The following DNAH7 variants were observed in gnomAD, a reference collection of about 807,000 sequenced individuals.
The protein encoded by DNAH7 is axonemal beta dynein heavy chain 7.
Under a neutral mutation model 444.6 loss-of-function variants are expected in DNAH7, and 397 were observed. That is an observed-to-expected ratio of 0.89 (90% CI 0.82 to 0.97). The LOEUF is 0.97. Among genes scored for constraint, DNAH7 ranks in the 50% least tolerant of loss-of-function variants. The pLI, the probability that DNAH7 is intolerant of heterozygous loss-of-function variation, is 0.00. For synonymous variants in DNAH7, 1,636 were observed against 1,624.4 expected, an observed-to-expected ratio of 1.01 and a Z score of -0.17; for missense variants, 4,902 against 4,800.8, an observed-to-expected ratio of 1.02 and a Z score of -0.62.
At chr2:195,873,007 T>C (rs1477177133) in intron 39 of DNAH7, among the ~76,000 whole-genome samples, 1 of 152,172 alleles carries the variant, frequency 6.6e-6, no homozygotes, top group Non-Finnish European at 1.5e-5. Context: ...AGAAATAATT[T>C]TCATTTAGAA....
rs1224261215 is a variant in DNAH7, at chr2:196,048,413, C to A, written c.142-9G>T. On this transcript the variant is annotated splice_polypyrimidine_tract_variant and intron_variant, in intron 3 of 64. Transcript: ENST00000312428. ...TGGGGCTTTGTACTCACCTAAAATA[C>A]AAAATTTAAATAGCATTAACAAACA... 3 of 1,608,924 alleles carry A rather than the reference C, an allele frequency of 1.9e-6. No individual in the cohort carries two copies. The Admixed American group carries it at 5.1e-5, about 27-fold the overall frequency.
At chr2:195,908,429 C>A (rs976226900) in intron 25 of DNAH7, among the ~76,000 whole-genome samples, 3 of 152,042 alleles carry the variant, frequency 2.0e-5, no homozygotes, top group Non-Finnish European at 4.4e-5. Flanking sequence ...TCTCATCACA[C>A]CCCTCTCCCA....
chr2:195,774,195 G>A (rs1012012532), intron 60 of DNAH7, among the ~76,000 whole-genome samples: 1 of 152,204 alleles, frequency 6.6e-6, no homozygotes, highest in African/African-American at 2.4e-5. Flanking sequence ...ACCCCGTCAA[G>A]TTTAAGTAAA....
intron 51 of DNAH7, among the ~76,000 whole-genome samples, chr2:195,810,701 G>GTATCTT (rs1166552344): frequency 8.0e-5 from 12 of 150,384 alleles, no homozygotes; most frequent in African/African-American, 2.9e-4. Context: ...TTCCCATAAA[G>GTATCTT]AGAATTACAA....
chr2:195,990,978 T>TACTTAA (rs1299085079), intron 12 of DNAH7, among the ~76,000 whole-genome samples: 47 of 145,950 alleles, frequency 3.2e-4, no homozygotes, highest in African/African-American at 6.0e-4. Context: ...TACATATATA[T>TACTTAA]ATATATATGC....
intron 55 of DNAH7, among the ~76,000 whole-genome samples, chr2:195,798,870 T>G (rs1696305862): frequency 6.6e-6 from 1 of 152,004 alleles, no homozygotes; most frequent in Admixed American, 6.6e-5. Flanking sequence ...TCTAATACAG[T>G]GACCACAACG....
chr2:195,994,549 G>C, intron 12 of DNAH7: 3 of 481,642 alleles, frequency 6.2e-6, no homozygotes, highest in Middle Eastern at 3.4e-4. Flanking sequence ...TTGTGGTCTT[G>C]GTTGTTTGTT....
At chr2:195,928,390 T>C (rs1387670544) in intron 21 of DNAH7, among the ~76,000 whole-genome samples, 4 of 152,194 alleles carry the variant, frequency 2.6e-5, no homozygotes, top group Non-Finnish European at 5.9e-5. Context: ...TTATCAGATA[T>C]ACATAAAATA....
intron 47 of DNAH7, among the ~76,000 whole-genome samples, chr2:195,839,620 A>G (rs1181438742): frequency 6.6e-6 from 1 of 151,796 alleles, no homozygotes; most frequent in Non-Finnish European, 1.5e-5. Flanking sequence ...AACTCTAGCC[A>G]GATTGACCAA....
At chr2:195,893,710 G>C (rs574218237) in intron 30 of DNAH7, 1 of 152,310 alleles carries the variant, frequency 6.6e-6, no homozygotes, top group Admixed American at 6.5e-5. Flanking sequence ...ATGCAGCAAG[G>C]CTAGTGTGAA....
intron 64 of DNAH7, among the ~76,000 whole-genome samples, 168 bp from the exon 65 acceptor site, chr2:195,738,295 A>C (rs1349945247): frequency 6.6e-6 from 1 of 152,022 alleles, no homozygotes; most frequent in African/African-American, 2.4e-5. Flanking sequence ...ATTTTATAGA[A>C]CTCTCATAAC....
intron 58 of DNAH7, among the ~76,000 whole-genome samples, chr2:195,786,291 T>G (rs1052894034): frequency 6.6e-6 from 1 of 152,258 alleles, no homozygotes; most frequent in Non-Finnish European, 1.5e-5. Context: ...TCAAACTAAA[T>G]TTGAACAAAA....
chr2:196,024,623 A>C (rs1695572495), intron 7 of DNAH7, 119 bp from the exon 8 acceptor site: 1 of 535,760 alleles, frequency 1.9e-6, no homozygotes, highest in African/African-American at 2.0e-5. Flanking sequence ...AAGTTGTTTA[A>C]TAATGAGAAA....
intron 12 of DNAH7, among the ~76,000 whole-genome samples, chr2:195,998,096 T>C (rs1402966427): frequency 6.6e-6 from 1 of 152,236 alleles, no homozygotes; most frequent in Non-Finnish European, 1.5e-5. Flanking sequence ...TACCCATGAA[T>C]GATGCCAACT....
At chr2:195,767,238 A>G (rs1559081692) in intron 61 of DNAH7, among the ~76,000 whole-genome samples, 1 of 152,064 alleles carries the variant, frequency 6.6e-6, no homozygotes, top group African/African-American at 2.4e-5. Context: ...GGTATTTCTC[A>G]TTGTGCTTTT....
chr2:196,016,761 A>AC (rs1695045955), intron 9 of DNAH7, among the ~76,000 whole-genome samples: 1 of 152,186 alleles, frequency 6.6e-6, no homozygotes, highest in Non-Finnish European at 1.5e-5. Context: ...TGAATAATTT[A>AC]CCCACATGGA....
chr2:196,048,930 T>C (rs1290823936), intron 3 of DNAH7, among the ~76,000 whole-genome samples: 3 of 152,122 alleles, frequency 2.0e-5, no homozygotes, highest in Admixed American at 6.6e-5. Flanking sequence ...AGGCTCCATG[T>C]TGGGAAACAA....
intron 61 of DNAH7, among the ~76,000 whole-genome samples, chr2:195,767,343 A>G (rs868122042): frequency 1.6e-4 from 24 of 152,050 alleles, no homozygotes; most frequent in Admixed American, 7.2e-4. Flanking sequence ...TATAGTTTTT[A>G]TATAGTCATT....
At chr2:195,854,961 T>C (rs376344733) in intron 45 of DNAH7, among the ~76,000 whole-genome samples, 1 of 152,298 alleles carries the variant, frequency 6.6e-6, no homozygotes, top group East Asian at 1.9e-4. Context: ...ATAGTTACTA[T>C]AGAAAGAGGC....
Sources: gnomAD v4.1 joint callset for allele counts (sites outside exome capture counted in the v4.1 genomes callset) on GRCh38, gnomAD v4.1.1 for gene constraint, MANE v1.5 for transcripts, NCBI Gene and HGNC (gene_info 2026-07-23, HGNC 2026-07-21) for gene names.